SYNJ1: variants seen among roughly 807,000 people sequenced by gnomAD.
The protein encoded by SYNJ1 is synaptojanin 1.
A neutral mutation model predicts 168.2 loss-of-function variants in SYNJ1; 78 were observed. The observed-to-expected ratio is 0.46, with a 90% CI of 0.39 to 0.56. The LOEUF is 0.56. Ranked by LOEUF, SYNJ1 falls within the 20% of genes least tolerant of loss-of-function variation. The probability of loss-of-function intolerance (pLI) is 0.00; values close to 1 mark genes in which losing one functional copy is unlikely to be tolerated. For missense variants in SYNJ1, 1,303 were observed against 1,597.6 expected, an observed-to-expected ratio of 0.82 and a Z score of 3.14; for synonymous variants, 539 against 548.6, an observed-to-expected ratio of 0.98 and a Z score of 0.24.
chr21:32,676,736 T>A (rs1328267983), intron 12 of SYNJ1, among the ~76,000 whole-genome samples: 2 of 152,194 alleles, frequency 1.3e-5, no homozygotes, highest in East Asian at 3.8e-4. Context: ...ACTGCCCTAA[T>A]ACACACCTTT....
chr21:32,727,897 C>A, intron 1 of SYNJ1, 49 bp downstream of exon 1: 3 of 1,529,468 alleles, frequency 2.0e-6, no homozygotes, highest in Non-Finnish European at 2.6e-6. Context: ...CGCCCGGCTG[C>A]CCGTGGGTCT....
intron 3 of SYNJ1, among the ~76,000 whole-genome samples, 159 bp from the exon 4 acceptor site, chr21:32,700,264 T>C (rs1195592390): frequency 6.6e-6 from 1 of 152,254 alleles, no homozygotes; most frequent in East Asian, 1.9e-4. Context: ...AAAAAAATCC[T>C]TGTTTAAATA....
intron 22 of SYNJ1, among the ~76,000 whole-genome samples, chr21:32,651,485 T>C (rs1454502369): frequency 6.6e-6 from 1 of 152,228 alleles, no homozygotes; most frequent in Non-Finnish European, 1.5e-5. Flanking sequence ...TTCATAATCC[T>C]TTACTTGCCA....
intron 30 of SYNJ1, 81 bp downstream of exon 30, chr21:32,639,590 G>T: frequency 2.8e-6 from 3 of 1,084,594 alleles, no homozygotes; most frequent in Non-Finnish European, 4.2e-6. Context: ...TTACAGGCGG[G>T]TCTCACTATG....
chr21:32,694,975 T>C, intron 5 of SYNJ1, 82 bp downstream of exon 5: 1 of 1,311,748 alleles, frequency 7.6e-7, no homozygotes, highest in Non-Finnish European at 1.1e-6. Context: ...AAGCTCCGAA[T>C]CAAATAAAAA....
At chr21:32,663,565 C>A (rs2040801773) in intron 18 of SYNJ1, among the ~76,000 whole-genome samples, 1 of 152,178 alleles carries the variant, frequency 6.6e-6, no homozygotes, top group Non-Finnish European at 1.5e-5. Flanking sequence ...CTTCCTACTG[C>A]CCATAAAGAC....
chr21:32,713,914 T>C (rs1432390959), intron 2 of SYNJ1, among the ~76,000 whole-genome samples: 2 of 152,220 alleles, frequency 1.3e-5, no homozygotes, highest in Admixed American at 1.3e-4. Flanking sequence ...TGATTATCTT[T>C]GCAGATCATA....
upstream of SYNJ1, chr21:32,728,131 C>T: frequency 7.2e-7 from 1 of 1,385,694 alleles, no homozygotes; most frequent in Non-Finnish European, 9.4e-7. Flanking sequence ...CGCCGACCGG[C>T]TGGGCCTGGC....
At chr21:32,717,519 T>G (rs1445778888) in intron 2 of SYNJ1, among the ~76,000 whole-genome samples, 1 of 152,190 alleles carries the variant, frequency 6.6e-6, no homozygotes, top group East Asian at 1.9e-4. Context: ...TAAGCTTTGT[T>G]AGGGAGGGCT....
Position 32,726,928 on chromosome 21 carries a change from CAAGCA to C in SYNJ1, c.-22-16_-22-12del. On this transcript the variant is annotated splice_polypyrimidine_tract_variant and intron_variant, in intron 1 of 32. Coordinates refer to ENST00000674351, the MANE Select transcript of SYNJ1 (RefSeq NM_203446.3). ...TCTTCGGAGGCAGCCCTGCGAAAAC[CAAGCA>C]AAGCAAAGCAAATGAAGCTGATGTT... 1 of 1,612,988 alleles carries C rather than the reference CAAGCA, an allele frequency of 6.2e-7. No homozygotes were observed. The highest frequency in any genetic ancestry group is 1.1e-5 in the South Asian group (1 of 90,928).
At chr21:32,652,174 C>G (rs1192116456) in intron 22 of SYNJ1, among the ~76,000 whole-genome samples, 1 of 152,042 alleles carries the variant, frequency 6.6e-6, no homozygotes, top group Non-Finnish European at 1.5e-5. Flanking sequence ...CTCTACAAAA[C>G]CTATTTCAAA....
At chr21:32,704,856 T>C (rs540728803) in intron 2 of SYNJ1, among the ~76,000 whole-genome samples, 2 of 152,152 alleles carry the variant, frequency 1.3e-5, no homozygotes, top group African/African-American at 4.8e-5. Flanking sequence ...TTGATTAGAA[T>C]TGGAGTTACC....
At chr21:32,706,219 A>G (rs766692186) in intron 2 of SYNJ1, among the ~76,000 whole-genome samples, 1 of 152,150 alleles carries the variant, frequency 6.6e-6, no homozygotes, top group South Asian at 2.1e-4. Flanking sequence ...AGATCGAGAA[A>G]TTTTTCCATT....
rs748368610 is a variant in SYNJ1 at position 32,685,820 on chromosome 21, C to G, written c.1046G>C (p.Ser349Thr). The change falls in exon 9 of 33, where the codon AGT becomes ACT. Residue 349 changes from serine (S) to threonine (T), a missense_variant. Physicochemically the swap from Ser to Thr is moderately conservative, Grantham distance 58. This residue lies in a region of SYNJ1 where 920 missense variants were observed against 1,208.8 expected (regional missense o/e 0.76). Coordinates refer to ENST00000674351, the MANE Select transcript of SYNJ1 (RefSeq NM_203446.3). ...CTTCTGGACTTGAGGTTTAAGAACA[C>G]TATGTAATTTTTCTGCCTTTCCTCC... ...VKGGKAEKLH[S>T]VLKPQVQKFL... is the part of the protein sequence containing the mutation. 2 of 1,613,234 alleles carry G rather than the reference C, an allele frequency of 1.2e-6. No individual in the cohort carries two copies. Among genetic ancestry groups the G allele is most frequent in the Non-Finnish European group, 1.7e-6 (2 of 1,179,612 alleles).
intron 18 of SYNJ1, among the ~76,000 whole-genome samples, chr21:32,661,625 G>C (rs2040707666): frequency 6.6e-6 from 1 of 152,126 alleles, no homozygotes; most frequent in Non-Finnish European, 1.5e-5. Flanking sequence ...GCCGCCTACT[G>C]ACCTCAGAGT....
intron 5 of SYNJ1, among the ~76,000 whole-genome samples, chr21:32,694,824 A>G (rs1459027514): frequency 6.6e-6 from 1 of 152,162 alleles, no homozygotes; most frequent in Non-Finnish European, 1.5e-5. Context: ...AAAACACACA[A>G]CACTGACTAT....
At position 32,643,525 on chromosome 21, in the gene SYNJ1, A is replaced by G. The variant is rs950817491; in HGVS notation, c.3431-68T>C. 5 of 1,498,460 alleles carry G rather than the reference A, an allele frequency of 3.3e-6. No homozygotes were observed. The African/African-American group carries it at 7.0e-5, about 21-fold the overall frequency. The allele number at this position is 1,498,460 out of a possible 1,614,324, so 92.8% of individuals were successfully genotyped here. A position where few individuals can be genotyped will look rare whatever the true frequency, so the allele number is the denominator to read the frequency against. ...ACAGCACAGAATGAAAGGCAGGCAC[A>G]CAAGACAATTTCCATAGTAAACTCA... On this transcript the variant is annotated intron_variant, in intron 26 of 32. Transcript: ENST00000674351.
intron 2 of SYNJ1, among the ~76,000 whole-genome samples, chr21:32,704,532 G>T (rs151313628): frequency 6.6e-6 from 1 of 152,184 alleles, no homozygotes; most frequent in Non-Finnish European, 1.5e-5. Flanking sequence ...CTAGAGGCAG[G>T]GGAAAAGGGC....
In SYNJ1 at chr21:32,650,361, G is replaced by A; in HGVS notation, c.2875-15C>T. ...CGATTCAATAACTAGCGGAGTAAAA[G>A]AGATATAAAATAAAGATTAACATGA... On this transcript the variant is annotated splice_polypyrimidine_tract_variant and intron_variant, in intron 22 of 32. Coordinates refer to ENST00000674351, the MANE Select transcript of SYNJ1 (RefSeq NM_203446.3). The A allele has an allele frequency of 6.3e-7, 1 of 1,582,574 alleles. No individual in the cohort carries two copies.
Sources: allele counts gnomAD v4.1 joint callset (sites outside exome capture counted in the v4.1 genomes callset), GRCh38; gene constraint gnomAD v4.1.1; regional missense constraint gnomAD v4.1.1; transcripts MANE v1.5; gene names NCBI Gene and HGNC (gene_info 2026-07-23, HGNC 2026-07-21).